The following OTOGL variants were observed in gnomAD, a reference collection of about 807,000 sequenced individuals.
OTOGL encodes otogelin-like protein.
In OTOGL, 285 loss-of-function variants were observed where a neutral mutation model predicts 318.5. The observed-to-expected ratio is 0.89, with a 90% confidence interval of 0.81 to 0.99. The LOEUF (loss-of-function observed/expected upper bound fraction) is 0.99, where lower values mean the gene tolerates loss of function less well. Among genes scored for constraint, OTOGL ranks in the 50% least tolerant of loss-of-function variants. The pLI is 0.00. For missense variants in OTOGL, 2,899 were observed against 2,845.6 expected (o/e 1.02, Z -0.43); for synonymous variants, 987 against 936.5 (o/e 1.05, Z -0.99).
chr12:80,298,070 C>T (rs949715342), intron 27 of OTOGL, among the ~76,000 whole-genome samples: 4 of 152,142 alleles, frequency 2.6e-5, no homozygotes, highest in Non-Finnish European at 5.9e-5. Context: ...TCATCTCATA[C>T]TTTTTAAATA....
chr12:80,280,322 T>C (rs1884131574), intron 26 of OTOGL, among the ~76,000 whole-genome samples: 1 of 151,746 alleles, frequency 6.6e-6, no homozygotes, highest in Non-Finnish European at 1.5e-5. Context: ...TGTCAATTTT[T>C]GTTTTTGTTG....
intron 35 of OTOGL, among the ~76,000 whole-genome samples, chr12:80,324,634 A>G (rs1887562371): frequency 6.6e-6 from 1 of 152,142 alleles, no homozygotes; most frequent in Non-Finnish European, 1.5e-5. Flanking sequence ...GGAGGAGAGG[A>G]GGACAGGGCA....
rs576015280 is a variant in OTOGL at position 80,273,694 on chromosome 12, G to A, written c.2681+1884G>A. ...ACAAGCATACTTTGTTTCATTGTGT[G>A]TTTTGCTTTATTGCACTTCACAGGT... On this transcript the variant is annotated intron_variant, in intron 24 of 58. Transcript: ENST00000547103. Among the ~76,000 whole-genome samples, 7 of 152,080 alleles carry A rather than the reference G, an allele frequency of 4.6e-5. No individual in the cohort carries two copies. In the South Asian group the frequency reaches 1.5e-3, roughly 32 times the overall value.
intron 1 of OTOGL, among the ~76,000 whole-genome samples, chr12:80,141,058 T>C (rs78221710): frequency 0.024 from 3,705 of 152,306 alleles, 149 homozygotes; most frequent in African/African-American, 0.085. Context: ...GATATTTCTG[T>C]AGCTCTTGCA....
intron 52 of OTOGL, among the ~76,000 whole-genome samples, chr12:80,363,223 C>T (rs1423136329): frequency 5.3e-5 from 8 of 152,124 alleles, no homozygotes; most frequent in Non-Finnish European, 1.0e-4. Flanking sequence ...TATGGGCAGT[C>T]ATCATGCCAG....
chr12:80,254,990 C>G, intron 15 of OTOGL, 50 bp from the exon 16 acceptor site: 1 of 1,363,568 alleles, frequency 7.3e-7, no homozygotes, highest in Non-Finnish European at 9.5e-7. Flanking sequence ...CTCTCCTCCT[C>G]TATCTCCACC....
chr12:80,314,217 T>C (rs141279915), intron 31 of OTOGL, 88 bp from the exon 32 acceptor site: 24 of 389,488 alleles, frequency 6.2e-5, no homozygotes, highest in African/African-American at 4.8e-4. Flanking sequence ...CACATAGTTA[T>C]TGATAAATAT....
rs2137916459 is a variant in OTOGL at position 80,336,933 on chromosome 12, G to A, written c.4789G>A (p.Gly1597Arg). ...KKLAPSGRIS[G>R]LCFKKLNVTT... ...TAAGGCTCCCTCTGGAAGAATCTCT[G>A]GACTTTGTTTTAAGAAGTTAAATGT... is the stretch of plus-strand genomic sequence containing the variant. The change falls in exon 42 of 59, where the codon GGA becomes AGA. Residue 1597 changes from glycine to arginine, a missense_variant. Physicochemically the swap from Gly to Arg is moderately radical, Grantham distance 125 (BLOSUM62 -2). Coordinates refer to ENST00000547103, the MANE Select transcript of OTOGL (RefSeq NM_001378609.3). The A allele has an allele frequency of 6.3e-7, 1 of 1,591,174 alleles. No individual in the cohort carries two copies. The highest frequency in any genetic ancestry group is 8.6e-7 in the Non-Finnish European group (1 of 1,167,550).
chr12:80,307,827 A>G (rs868225055), intron 29 of OTOGL, among the ~76,000 whole-genome samples: 945 of 82,426 alleles, frequency 0.011, 6 homozygotes, highest in African/African-American at 0.048. Flanking sequence ...GGGCAGAGGC[A>G]CCCCTCACCT....
At chr12:80,108,815 GTA>G (rs1328882889) in intron 1 of OTOGL, among the ~76,000 whole-genome samples, 27 of 129,982 alleles carry the variant, frequency 2.1e-4, no homozygotes, top group Admixed American at 1.3e-3. Flanking sequence ...ATATATATGT[GTA>G]TATATATGTA....
chr12:80,253,423 ATTAT>A (rs753260562), intron 13 of OTOGL, 39 bp from the exon 14 acceptor site: 1 of 1,499,052 alleles, frequency 6.7e-7, no homozygotes, highest in Non-Finnish European at 9.3e-7. Flanking sequence ...TACAATCTTT[ATTAT>A]TTCTTTTGAA....
intron 7 of OTOGL, among the ~76,000 whole-genome samples, chr12:80,225,470 T>C (rs1254990924): frequency 6.6e-6 from 1 of 152,100 alleles, no homozygotes; most frequent in Non-Finnish European, 1.5e-5. Context: ...TTACTTGAAA[T>C]GTCACTTTCC....
intron 1 of OTOGL, among the ~76,000 whole-genome samples, chr12:80,190,201 ATTTG>A (rs779575529): frequency 1.3e-4 from 20 of 152,208 alleles, no homozygotes; most frequent in Middle Eastern, 3.2e-3. Context: ...TTGCTGAGTC[ATTTG>A]TTTGGGAACA....
intron 28 of OTOGL, among the ~76,000 whole-genome samples, chr12:80,304,805 C>T (rs1364598254): frequency 6.6e-6 from 1 of 152,060 alleles, no homozygotes; most frequent in African/African-American, 2.4e-5. Context: ...TTTCTAGAAG[C>T]AGTAGAACTA....
intron 35 of OTOGL, among the ~76,000 whole-genome samples, chr12:80,325,958 A>C (rs538929487): frequency 2.6e-5 from 4 of 152,138 alleles, no homozygotes; most frequent in Non-Finnish European, 5.9e-5. Flanking sequence ...GTAGCTGTCC[A>C]TAAGTTTCTC....
intron 19 of OTOGL, among the ~76,000 whole-genome samples, chr12:80,264,526 T>C (rs1341307016): frequency 6.6e-6 from 1 of 152,246 alleles, no homozygotes; most frequent in Non-Finnish European, 1.5e-5. Context: ...CTATGTGGCA[T>C]CTGACACATT....
intron 44 of OTOGL, chr12:80,343,479 TTTTTTACATTTTTATTA>T (rs1888918029): frequency 6.7e-6 from 1 of 149,350 alleles, no homozygotes; most frequent in African/African-American, 2.5e-5. Context: ...ATTTTTATTA[TTTTTTACATTTTTATTA>T]TTTTTTATTC....
At chr12:80,359,170 G>A (rs899481597) in intron 52 of OTOGL, among the ~76,000 whole-genome samples, 3 of 152,044 alleles carry the variant, frequency 2.0e-5, no homozygotes, top group African/African-American at 4.8e-5. Context: ...TTAAAATGAA[G>A]CAAAATATTG....
intron 1 of OTOGL, among the ~76,000 whole-genome samples, chr12:80,149,731 G>A (rs566356945): frequency 4.7e-4 from 71 of 152,350 alleles, no homozygotes; most frequent in African/African-American, 1.6e-3. Context: ...CTCCATGGGC[G>A]TAGGACCCTC....
Sources: gnomAD v4.1 joint callset for allele counts (sites outside exome capture counted in the v4.1 genomes callset) on GRCh38, gnomAD v4.1.1 for gene constraint, MANE v1.5 for transcripts, NCBI Gene and HGNC (gene_info 2026-07-23, HGNC 2026-07-21) for gene names.